The following FREM1 variants were observed in gnomAD, a reference collection of about 807,000 sequenced individuals.
FREM1 encodes the protein FRAS1-related extracellular matrix protein 1.
FREM1 carries 220 observed loss-of-function variants against 210.1 expected under a neutral mutation model. That is an observed-to-expected ratio of 1.05 (90% confidence interval 0.94 to 1.17). The LOEUF is 1.17. FREM1 is among the 50% of genes most tolerant of loss of function. The probability of loss-of-function intolerance (pLI) is 0.00; values close to 1 mark genes in which losing one functional copy is unlikely to be tolerated. For missense variants in FREM1, 3,454 were observed against 2,675.5 expected, an observed-to-expected ratio of 1.29 and a Z score of -6.42; for synonymous variants, 1,189 against 980.2, an observed-to-expected ratio of 1.21 and a Z score of -3.98.
Position 14,816,804 on chromosome 9 carries a change from A to G in FREM1, c.2614T>C (p.Ser872Pro). ...TCAACATGTAGTACAAATTCTGCTGAATTTGTGCCATCGGTGACCTCCAAG... is the reference window on the plus strand; with the variant it reads ...TCAACATGTAGTACAAATTCTGCTGGATTTGTGCCATCGGTGACCTCCAAG... ...LLLEVTDGTN[S>P]AEFVLHVEVF... Residue 872 changes from serine (S) to proline (P), a missense_variant, in exon 15 of 37, where the codon TCA becomes CCA. Ser to Pro is a moderately conservative substitution (Grantham distance 74). Transcript: ENST00000380880. 2 of 1,436,758 alleles carry G rather than the reference A, an allele frequency of 1.4e-6. No homozygotes were observed. The highest frequency in any genetic ancestry group is 9.4e-7 in the Non-Finnish European group (1 of 1,067,354). 89.0% of individuals were successfully genotyped at this position (1,436,758 alleles called of 1,614,324 possible).
chr9:14,839,327 G>A (rs887911387), intron 10 of FREM1, among the ~76,000 whole-genome samples: 10 of 152,104 alleles, frequency 6.6e-5, no homozygotes, highest in African/African-American at 2.4e-4. Flanking sequence ...AAGTTTTTAG[G>A]GACACATGCT....
At chr9:14,769,652 T>C (rs1422298258) in intron 27 of FREM1, 72 bp downstream of exon 27, 11 of 1,459,422 alleles carry the variant, frequency 7.5e-6, no homozygotes, top group Non-Finnish European at 9.3e-7. Flanking sequence ...AAAAAGAACA[T>C]TTCACTTTCC....
At chr9:14,801,597 G>C in intron 20 of FREM1, 55 bp downstream of exon 20, 1 of 1,210,582 alleles carries the variant, frequency 8.3e-7, no homozygotes, top group Non-Finnish European at 1.2e-6. Flanking sequence ...ATATAAGTAT[G>C]GGTTAAATTA....
intron 10 of FREM1, among the ~76,000 whole-genome samples, chr9:14,840,372 C>A (rs181553739): frequency 6.6e-6 from 1 of 152,204 alleles, no homozygotes; most frequent in East Asian, 1.9e-4. Flanking sequence ...TGAGACTAGG[C>A]AATTTACAAA....
At chr9:14,784,694 C>A (rs919037757) in intron 23 of FREM1, 60 bp from the exon 24 acceptor site, 3 of 1,343,616 alleles carry the variant, frequency 2.2e-6, no homozygotes, top group Non-Finnish European at 2.0e-6. Context: ...ATGTCCAAGG[C>A]AAAGGCAGAA....
At chr9:14,789,296 A>G (rs72711309) in intron 22 of FREM1, among the ~76,000 whole-genome samples, 182 bp from the exon 23 acceptor site, 6,621 of 152,232 alleles carry the variant, frequency 0.043, 159 homozygotes, top group South Asian at 0.086. Flanking sequence ...TATTAGAATA[A>G]TTTGAGACCT....
At position 14,807,965 on chromosome 9, in the gene FREM1, G is replaced by A; in HGVS notation, c.3063C>T (p.Asp1021=). 1 of 1,613,304 alleles carries A rather than the reference G, an allele frequency of 6.2e-7. No individual in the cohort carries two copies. Among genetic ancestry groups the A allele is most frequent in the East Asian group, 2.2e-5 (1 of 44,880 alleles). ...YDLNITVYPV[D]NQPPSIAIGP... is the part of the protein sequence containing the mutation. Reference sequence around the variant, plus strand: ...CTATTGCAATGGAAGGTGGCTGGTTGTCTACTGGGTATACCGTGATGTTGA... The same window carrying A: ...CTATTGCAATGGAAGGTGGCTGGTTATCTACTGGGTATACCGTGATGTTGA... The change falls in exon 17 of 37, where the codon GAC becomes GAT. Residue 1021 remains aspartate (D), a synonymous_variant. Coordinates refer to ENST00000380880, the MANE Select transcript of FREM1 (RefSeq NM_001379081.2).
intron 30 of FREM1, among the ~76,000 whole-genome samples, chr9:14,749,537 A>C (rs576870915): frequency 4.8e-4 from 73 of 152,338 alleles, no homozygotes; most frequent in African/African-American, 1.7e-3. Flanking sequence ...TTGGTGGAAA[A>C]AAATCAGAGC....
At chr9:14,873,759 T>C (rs991336967) in intron 1 of FREM1, among the ~76,000 whole-genome samples, 7 of 152,218 alleles carry the variant, frequency 4.6e-5, no homozygotes, top group African/African-American at 1.2e-4. Flanking sequence ...ATTGTGATGT[T>C]AGGGTGTCAA....
At position 14,910,417 on chromosome 9, in the gene FREM1, T is replaced by C. The variant is rs576583437; in HGVS notation, c.-771A>G. On this transcript the variant is annotated 5_prime_UTR_variant, in exon 1 of 37. Transcript: ENST00000380880. ...TCTTCCCAGCTTCCTTTCTCACTAC[T>C]AGTTTTGTACTAACTGCTCCGCCAC... 1 of 152,590 alleles carries C rather than the reference T, an allele frequency of 6.6e-6. No homozygotes were observed. The highest frequency in any genetic ancestry group is 6.5e-5 in the Admixed American group (1 of 15,302). The allele number at this position is 152,590 out of a possible 1,614,324, so 9.5% of individuals were successfully genotyped here.
chr9:14,796,991 CATATGGAACACAGT>C (rs940756212), intron 21 of FREM1, among the ~76,000 whole-genome samples: 13 of 152,236 alleles, frequency 8.5e-5, no homozygotes, highest in African/African-American at 3.1e-4. Context: ...GGTGTTGACC[CATATGGAACACAGT>C]AGAGAACTGG....
intron 10 of FREM1, among the ~76,000 whole-genome samples, chr9:14,832,658 G>C (rs1022215499): frequency 6.6e-6 from 1 of 152,108 alleles, no homozygotes; most frequent in Admixed American, 6.5e-5. Flanking sequence ...GCTTGATGTA[G>C]AGTTGAGCTA....
intron 13 of FREM1, among the ~76,000 whole-genome samples, 189 bp from the exon 14 acceptor site, chr9:14,819,631 C>G (rs574099084): frequency 3.9e-5 from 6 of 152,246 alleles, no homozygotes; most frequent in African/African-American, 1.4e-4. Flanking sequence ...ATTTCTAATT[C>G]TAAGCATTAA....
rs576839770 is a variant in FREM1 at position 14,748,462 on chromosome 9, C to T, written c.5735G>A (p.Arg1912Gln). The T allele has an allele frequency of 9.3e-6, 15 of 1,613,670 alleles. No homozygotes were observed. The highest frequency in any genetic ancestry group is 4.5e-5 in the East Asian group (2 of 44,888). The change falls in exon 31 of 37, where the codon CGG becomes CAG. Residue 1912 changes from arginine to glutamine, a missense_variant. Physicochemically the swap from Arg to Gln is conservative, Grantham distance 43 (BLOSUM62 1). Coordinates refer to ENST00000380880, the MANE Select transcript of FREM1 (RefSeq NM_001379081.2). Reference sequence around the variant, plus strand: ...AGAAAGATCTGTAGAATCAAAGCCCCGCAGGGTGTCTCCCCTGATGACTGC... The same window carrying T: ...AGAAAGATCTGTAGAATCAAAGCCCTGCAGGGTGTCTCCCCTGATGACTGC... The part of the protein sequence containing the change: ...QLAVIRGDTL[R>Q]GFDSTDLSQR...
chr9:14,833,877 T>C (rs1401857242), intron 10 of FREM1, among the ~76,000 whole-genome samples: 1 of 152,182 alleles, frequency 6.6e-6, no homozygotes, highest in Non-Finnish European at 1.5e-5. Flanking sequence ...CTAAGATAAC[T>C]TCTGGTAGCA....
At chr9:14,804,717 C>T (rs1818042462) in intron 19 of FREM1, among the ~76,000 whole-genome samples, 1 of 152,190 alleles carries the variant, frequency 6.6e-6, no homozygotes, top group South Asian at 2.1e-4. Flanking sequence ...ATGGAATCAT[C>T]TGTAGATTTT....
At chr9:14,897,905 T>C (rs1459880695) in intron 1 of FREM1, among the ~76,000 whole-genome samples, 2 of 152,234 alleles carry the variant, frequency 1.3e-5, no homozygotes, top group South Asian at 2.1e-4. Context: ...AGGAGTCTAA[T>C]AAGAGTCTTA....
chr9:14,780,127 G>A (rs1320629533), intron 24 of FREM1, among the ~76,000 whole-genome samples: 1 of 152,144 alleles, frequency 6.6e-6, no homozygotes, highest in Non-Finnish European at 1.5e-5. Context: ...TAAAGCCATT[G>A]CTATGTTGGT....
intron 1 of FREM1, among the ~76,000 whole-genome samples, chr9:14,888,345 T>A (rs1836185071): frequency 6.6e-6 from 1 of 152,224 alleles, no homozygotes; most frequent in East Asian, 1.9e-4. Flanking sequence ...ATATATACAC[T>A]GCTTCACATC....
Sources: gnomAD v4.1 joint callset for allele counts (sites outside exome capture counted in the v4.1 genomes callset) on GRCh38, gnomAD v4.1.1 for gene constraint, MANE v1.5 for transcripts, NCBI Gene and HGNC (gene_info 2026-07-23, HGNC 2026-07-21) for gene names.